HERC6: variants seen among roughly 807,000 people sequenced by gnomAD.
The protein encoded by HERC6 is HECT and RLD domain containing E3 ubiquitin protein ligase family member 6, also known as probable E3 ubiquitin-protein ligase HERC6.
Under a neutral mutation model 114.5 loss-of-function variants are expected in HERC6, and 101 were observed. The ratio of observed to expected loss-of-function variants is 0.88; its 90% confidence interval spans 0.75 to 1.04. The LOEUF is 1.04. HERC6 is among the 50% of genes least tolerant of loss of function. HERC6 has a pLI of 0.00. For missense variants in HERC6, 1,133 were observed against 1,230.9 expected (o/e 0.92, Z 1.19); for synonymous variants, 408 against 436.2 (o/e 0.94, Z 0.81).
intron 16 of HERC6, among the ~76,000 whole-genome samples, chr4:88,429,837 G>A (rs77962446): frequency 0.02 from 2,988 of 152,186 alleles, 106 homozygotes; most frequent in African/African-American, 0.068. Flanking sequence ...AACTGTAAAG[G>A]AATCAGTAGA....
At chr4:88,397,558 G>A (rs997279327) in intron 7 of HERC6, among the ~76,000 whole-genome samples, 1 of 151,810 alleles carries the variant, frequency 6.6e-6, no homozygotes, top group Non-Finnish European at 1.5e-5. Context: ...TTAGCCGGGC[G>A]TGGTGGTGCA....
chr4:88,380,223 T>C (rs1734176378), intron 1 of HERC6, among the ~76,000 whole-genome samples: 1 of 83,958 alleles, frequency 1.2e-5, no homozygotes, highest in African/African-American at 5.2e-5. Flanking sequence ...TATATAAATA[T>C]ATAATATATA....
At chr4:88,391,413 C>T (rs1035533453) in intron 4 of HERC6, among the ~76,000 whole-genome samples, 2 of 152,218 alleles carry the variant, frequency 1.3e-5, no homozygotes. Context: ...TGATTAACAA[C>T]TTTAGTTCCA....
chr4:88,390,957 T>A, intron 4 of HERC6, 78 bp downstream of exon 4: 2 of 1,217,154 alleles, frequency 1.6e-6, no homozygotes, highest in Non-Finnish European at 2.3e-6. Flanking sequence ...AGGGCAGTCT[T>A]AACGCTTAAA....
intron 16 of HERC6, among the ~76,000 whole-genome samples, chr4:88,429,873 C>T (rs962089800): frequency 2.0e-5 from 3 of 152,016 alleles, no homozygotes; most frequent in African/African-American, 7.3e-5. Flanking sequence ...TGAGAGATGA[C>T]CAAGGGGTAA....
intron 11 of HERC6, among the ~76,000 whole-genome samples, chr4:88,411,042 T>A (rs142637887): frequency 1.3e-5 from 2 of 152,276 alleles, no homozygotes; most frequent in African/African-American, 4.8e-5. Flanking sequence ...AGTAAAATAA[T>A]CTTTATACCA....
chr4:88,408,934 T>C (rs1735948670), intron 11 of HERC6, among the ~76,000 whole-genome samples: 1 of 152,068 alleles, frequency 6.6e-6, no homozygotes, highest in African/African-American at 2.4e-5. Flanking sequence ...GCTGACTGGC[T>C]GAGTGAGAGA....
At position 88,431,189 on chromosome 4, in the gene HERC6, G is replaced by A; in HGVS notation, c.2134G>A (p.Glu712Lys). The A allele has an allele frequency of 6.2e-7, 1 of 1,609,920 alleles. No homozygotes were observed. Among genetic ancestry groups the A allele is most frequent in the Non-Finnish European group, 8.5e-7 (1 of 1,178,552 alleles). ...TGAATTTATTAATGAAATTTGTCCT[G>A]AGTCTGGAGGGGTTAGTTCAGAGTT... ...VVEFINEICP[E>K]SGGVSSEFFH... The change falls in exon 17 of 23, where the codon GAG becomes AAG. Residue 712 changes from glutamate to lysine, a missense_variant. Physicochemically the swap from Glu to Lys is moderately conservative, Grantham distance 56. Transcript: ENST00000264346.
At chr4:88,393,686 C>A (rs1001128976) in intron 5 of HERC6, 104 bp downstream of exon 5, 12 of 580,656 alleles carry the variant, frequency 2.1e-5, no homozygotes, top group Non-Finnish European at 3.4e-5. Context: ...CCCATTTGGG[C>A]CACTATAACA....
intron 2 of HERC6, among the ~76,000 whole-genome samples, chr4:88,384,101 G>A (rs1247984866): frequency 6.6e-6 from 1 of 152,106 alleles, no homozygotes; most frequent in Non-Finnish European, 1.5e-5. Flanking sequence ...TAACTTCCTT[G>A]AGTGAGAGTT....
intron 17 of HERC6, among the ~76,000 whole-genome samples, chr4:88,432,842 T>C (rs1410759806): frequency 6.6e-6 from 1 of 152,062 alleles, no homozygotes; most frequent in Non-Finnish European, 1.5e-5. Flanking sequence ...TTTCTTAAAG[T>C]AACAAAAAAA....
chr4:88,383,763 C>CAAAAAAAAAA (rs753643806), intron 2 of HERC6, among the ~76,000 whole-genome samples: 7 of 28,752 alleles, frequency 2.4e-4, no homozygotes, highest in Non-Finnish European at 3.0e-4. Flanking sequence ...GACTCAGTCT[C>CAAAAAAAAAA]AAAAAAAAAA....
chr4:88,439,554 A>C (rs1285509255), intron 20 of HERC6, among the ~76,000 whole-genome samples: 2 of 152,120 alleles, frequency 1.3e-5, no homozygotes, highest in Non-Finnish European at 2.9e-5. Flanking sequence ...GGAGGTTTGG[A>C]ATTTACCCCA....
At chr4:88,417,759 CTT>C (rs1025834081) in intron 13 of HERC6, among the ~76,000 whole-genome samples, 180 bp downstream of exon 13, 1 of 151,942 alleles carries the variant, frequency 6.6e-6, no homozygotes, top group Admixed American at 6.6e-5. Context: ...AGTTGAGAAA[CTT>C]TAGGAGGACT....
At chr4:88,405,170 A>G (rs146123410) in intron 9 of HERC6, 173 bp downstream of exon 9, 1 of 727,710 alleles carries the variant, frequency 1.4e-6, no homozygotes, top group Admixed American at 3.4e-5. Flanking sequence ...TTACAGATAT[A>G]TGGAGGACAT....
chr4:88,438,033 T>G (rs2149030131), intron 20 of HERC6, among the ~76,000 whole-genome samples: 1 of 145,748 alleles, frequency 6.9e-6, no homozygotes. Flanking sequence ...CTAAGGAGGC[T>G]GAGGATTGCT....
intron 17 of HERC6, among the ~76,000 whole-genome samples, chr4:88,431,984 T>C (rs1213877076): frequency 1.3e-5 from 2 of 152,202 alleles, no homozygotes; most frequent in Non-Finnish European, 2.9e-5. Flanking sequence ...GGAAATAACC[T>C]ACATATCCAT....
chr4:88,423,405 T>C (rs1296179596), intron 13 of HERC6, among the ~76,000 whole-genome samples: 3 of 152,158 alleles, frequency 2.0e-5, no homozygotes, highest in Non-Finnish European at 4.4e-5. Flanking sequence ...TTTTTGCAAA[T>C]ACAGTTTTAT....
intron 11 of HERC6, 120 bp downstream of exon 11, chr4:88,408,737 C>A (rs1735936411): frequency 7.2e-6 from 5 of 697,940 alleles, no homozygotes; most frequent in African/African-American, 1.8e-5. Flanking sequence ...CTGCCCACTG[C>A]AGAAACAAAA....
Sources: gnomAD v4.1 joint callset for allele counts (sites outside exome capture counted in the v4.1 genomes callset) on GRCh38, gnomAD v4.1.1 for gene constraint, MANE v1.5 for transcripts, NCBI Gene and HGNC (gene_info 2026-07-23, HGNC 2026-07-21) for gene names.